AGAP2: variants seen among roughly 807,000 people sequenced by gnomAD.
AGAP2 encodes the protein arf-GAP with GTPase, ANK repeat and PH domain-containing protein 2.
Under a neutral mutation model 110.9 loss-of-function variants are expected in AGAP2, and 32 were observed. That is an observed-to-expected ratio of 0.29 (90% confidence interval 0.22 to 0.39). The LOEUF (loss-of-function observed/expected upper bound fraction) is 0.39, where lower values mean the gene tolerates loss of function less well. AGAP2 is among the 10% of genes least tolerant of loss of function. The pLI is 1.00. For synonymous variants in AGAP2, 702 were observed against 713.0 expected, an observed-to-expected ratio of 0.98 and a Z score of 0.25; for missense variants, 1,285 against 1,638.5, an observed-to-expected ratio of 0.78 and a Z score of 3.72.
intron 14 of AGAP2, 48 bp downstream of exon 14, chr12:57,728,270 C>T (rs748622224): frequency 1.2e-6 from 2 of 1,600,748 alleles, no homozygotes; most frequent in Non-Finnish European, 1.7e-6. Flanking sequence ...GGCACCCCCA[C>T]CCTTCTGCAC....
rs1361743394 is a variant in AGAP2 at position 57,727,975 on chromosome 12, G to C, written c.2728C>G (p.Leu910Val). The part of the protein sequence containing the change: ...AWVQAIESQI[L>V]ASLQCCESSK... ...CTCTCACAGCATTGCAGACTGGCTA[G>C]GATCTGACTCTCGATGGCCTGGACC... Residue 910 changes from leucine to valine, a missense_variant, in exon 15 of 19, where the codon CTA (leucine) becomes GTA (valine). Leu to Val is a conservative substitution (Grantham distance 32). Around this residue, in one of 7 missense-constraint regions of AGAP2, gnomAD observed 25 missense variants for 67.5 expected, o/e 0.37. Transcript: ENST00000547588. 1 of 1,614,176 alleles carries C rather than the reference G, an allele frequency of 6.2e-7. No individual in the cohort carries two copies. Among genetic ancestry groups the C allele is most frequent in the South Asian group, 1.1e-5 (1 of 91,090 alleles).
intron 7 of AGAP2, among the ~76,000 whole-genome samples, 179 bp from the exon 8 acceptor site, chr12:57,732,146 G>C (rs143908708): frequency 6.6e-6 from 1 of 152,304 alleles, no homozygotes; most frequent in Non-Finnish European, 1.5e-5. Context: ...ATGTTGTAAA[G>C]GTTGATTCAC....
At chr12:57,729,919 G>C in intron 12 of AGAP2, 152 bp from the exon 13 acceptor site, 1 of 1,133,798 alleles carries the variant, frequency 8.8e-7, no homozygotes, top group Non-Finnish European at 1.2e-6. Context: ...ATCATTCCTG[G>C]GGATGCAGGG....
Position 57,738,130 on chromosome 12 carries a change from G to A in AGAP2, c.117C>T (p.Ala39=), listed in dbSNP as rs1351380163. ...PPPPSPSAAA[A]GAAGARGSET... is the part of the protein sequence containing the mutation. ...CGGAGCCTCTGGCACCGGCGGCGCC[G>A]GCCGCGGCCGCAGACGGAGAAGGCG... The change falls in exon 1 of 19, where the codon GCC becomes GCT. Residue 39 remains alanine, a synonymous_variant. Coordinates refer to ENST00000547588, the MANE Select transcript of AGAP2 (RefSeq NM_001122772.3). The surrounding 1 kb of genome is among the most constrained non-coding windows in gnomAD (Gnocchi z 6.7). 4 of 1,520,692 alleles carry A rather than the reference G, an allele frequency of 2.6e-6. No individual in the cohort carries two copies. Among genetic ancestry groups the A allele is most frequent in the Non-Finnish European group, 2.6e-6 (3 of 1,139,708 alleles). 94.2% of individuals were successfully genotyped at this position (1,520,692 alleles called of 1,614,324 possible).
chr12:57,737,825 C>G lies in AGAP2; in HGVS notation c.422G>C (p.Arg141Pro), dbSNP rs1955017854. ...PKPGGAPTSSRRPLLSSPSWG... is the reference protein window; with the variant it reads ...PKPGGAPTSSPRPLLSSPSWG... ...GCTCGGGCTGCTGAGCAGGGGGCGC[C>G]GGGAGGAGGTGGGGGCGCCCCCAGG... Residue 141 changes from arginine to proline, a missense_variant, in exon 1 of 19, where the codon CGG becomes CCG. Transcript: ENST00000547588. This position sits in a 1 kb window ranked among gnomAD's most constrained non-coding sequence, Gnocchi z 5.9. The G allele has an allele frequency of 6.7e-7, 1 of 1,492,640 alleles. No homozygotes were observed. The highest frequency in any genetic ancestry group is 1.4e-5 in the African/African-American group (1 of 69,392). The allele number at this position is 1,492,640 out of a possible 1,614,324, so 92.5% of individuals were successfully genotyped here.
Position 57,729,786 on chromosome 12 carries a change from G to A in AGAP2, c.2429-19C>T. 6.3e-7 allele frequency: 1 copy of A among 1,589,132 alleles called. No individual in the cohort carries two copies. Among genetic ancestry groups the A allele is most frequent in the Non-Finnish European group, 8.5e-7 (1 of 1,169,780 alleles). The stretch of plus-strand genomic sequence containing the variant: ...GTACAGTCTTAGGGAGGAAGACACA[G>A]CTGCCTCAGTAGCCCCCTCCACAGA... On this transcript the variant is annotated intron_variant, in intron 12 of 18. Coordinates refer to ENST00000547588, the MANE Select transcript of AGAP2 (RefSeq NM_001122772.3).
At chr12:57,732,087 G>T (rs1218401676) in intron 7 of AGAP2, 120 bp from the exon 8 acceptor site, 7 of 1,184,004 alleles carry the variant, frequency 5.9e-6, no homozygotes, top group Non-Finnish European at 7.0e-6. Context: ...TATTTATGTT[G>T]TCATTAATAA....
In AGAP2 at chr12:57,737,973, C is replaced by T. The variant is rs1437279299; in HGVS notation, c.274G>A (p.Ala92Thr). 30 of 1,436,000 alleles carry T rather than the reference C, an allele frequency of 2.1e-5. No individual in the cohort carries two copies. The highest frequency in any genetic ancestry group is 2.6e-5 in the Non-Finnish European group (29 of 1,102,112). The allele number at this position is 1,436,000 out of a possible 1,614,324, so 89.0% of individuals were successfully genotyped here. A position where few individuals can be genotyped will look rare whatever the true frequency, so the allele number is the denominator to read the frequency against. The change falls in exon 1 of 19, where the codon GCC becomes ACC. Residue 92 changes from alanine to threonine, a missense_variant. Transcript: ENST00000547588. This position sits in a 1 kb window ranked among gnomAD's most constrained non-coding sequence, Gnocchi z 5.9. ...SAGTGGAEPPALSPAPASPAR... is the reference protein window; with the variant it reads ...SAGTGGAEPPTLSPAPASPAR... ...GGACTGGCCGGAGCCGGGGACAGGG[C>T]TGGGGGCTCCGCGCCCCCGGTGCCC... is the stretch of plus-strand genomic sequence containing the variant.
chr12:57,740,395 A>C (rs989424317), upstream of AGAP2, among the ~76,000 whole-genome samples: 11 of 152,120 alleles, frequency 7.2e-5, no homozygotes, highest in Non-Finnish European at 1.0e-4. Flanking sequence ...GAGAGGGTGA[A>C]GGAGAATTGT....
chr12:57,727,457 G>A lies in AGAP2; in HGVS notation c.2983C>T (p.Leu995=), dbSNP rs755575431. 35 of 1,613,590 alleles carry A rather than the reference G, an allele frequency of 2.2e-5. No homozygotes were observed. The Admixed American group carries it at 5.0e-4, about 23-fold the overall frequency. ...CCAATAGCCGTCAGCACCAGGGTCA[G>A]CTCCCGTGGCCAGTCGTCCAAGTCC... The part of the protein sequence containing the change: ...SLDLDDWPRE[L]TLVLTAIGND... The change falls in exon 17 of 19, where the codon CTG becomes TTG. Residue 995 remains leucine, a synonymous_variant. Transcript: ENST00000547588.
chr12:57,737,728 G>A lies in AGAP2; in HGVS notation c.519C>T (p.Thr173=), dbSNP rs1189383631. Residue 173 remains threonine, a synonymous_variant, in exon 1 of 19, where the codon ACC becomes ACT. Coordinates refer to ENST00000547588, the MANE Select transcript of AGAP2 (RefSeq NM_001122772.3). The surrounding 1 kb of genome is among the most constrained non-coding windows in gnomAD (Gnocchi z 5.9). The part of the protein sequence containing the change: ...IPGSSSPHPG[T]GSRRLKVAPP... Reference sequence around the variant, plus strand: ...GCGCCACCTTGAGCCTCCGGCTGCCGGTGCCAGGGTGCGGAGAGGATGAGC... The same window carrying A: ...GCGCCACCTTGAGCCTCCGGCTGCCAGTGCCAGGGTGCGGAGAGGATGAGC... 1 of 1,544,316 alleles carries A rather than the reference G, an allele frequency of 6.5e-7. No individual in the cohort carries two copies. Among genetic ancestry groups the A allele is most frequent in the Non-Finnish European group, 8.7e-7 (1 of 1,149,260 alleles).
Position 57,737,860 on chromosome 12 carries a change from G to C in AGAP2, c.387C>G (p.Pro129=). ...TGGGGGCGCCCCCAGGCTTGGGGTC[G>C]GGGCTCAGTCCCCCGGAGAGCGGGG... The part of the protein sequence containing the change: ...PGPPLSGGLS[P]DPKPGGAPTS... The change falls in exon 1 of 19, where the codon CCC becomes CCG. Residue 129 remains proline, a synonymous_variant. Coordinates refer to ENST00000547588, the MANE Select transcript of AGAP2 (RefSeq NM_001122772.3). This position sits in a 1 kb window ranked among gnomAD's most constrained non-coding sequence, Gnocchi z 5.9. 3 of 1,451,174 alleles carry C rather than the reference G, an allele frequency of 2.1e-6. No individual in the cohort carries two copies. The highest frequency in any genetic ancestry group is 4.9e-4 in the Middle Eastern group (2 of 4,056). 89.9% of individuals were successfully genotyped at this position (1,451,174 alleles called of 1,614,324 possible).
upstream of AGAP2, among the ~76,000 whole-genome samples, chr12:57,740,733 A>C (rs1955067368): frequency 6.6e-6 from 1 of 152,130 alleles, no homozygotes; most frequent in Non-Finnish European, 1.5e-5. Context: ...TGTCAGGGGA[A>C]GCTTCAGGTG....
At chr12:57,741,915 G>A (rs143760313), upstream of AGAP2, 243 of 1,613,168 alleles carry the variant, frequency 1.5e-4, no homozygotes, top group Non-Finnish European at 1.9e-4. Context: ...CTCTTACCTC[G>A]AATGCTGTCC....
intron 12 of AGAP2, among the ~76,000 whole-genome samples, chr12:57,730,038 T>C (rs1197579940): frequency 6.6e-6 from 1 of 152,332 alleles, no homozygotes; most frequent in Middle Eastern, 3.4e-3. Context: ...TTTCTTTATC[T>C]CTGAAATAGG....
intron 1 of AGAP2, among the ~76,000 whole-genome samples, chr12:57,736,630 G>A (rs1954987184): frequency 1.3e-5 from 2 of 152,238 alleles, no homozygotes; most frequent in African/African-American, 4.8e-5. Flanking sequence ...TCCCTGGCGA[G>A]AAGCTGCCTG....
In AGAP2 at chr12:57,737,964, G is replaced by C; in HGVS notation, c.283C>G (p.Pro95Ala). ...TGGAEPPALS[P>A]APASPARPVS... ...GGGCGGGCCGGACTGGCCGGAGCCG[G>C]GGACAGGGCTGGGGGCTCCGCGCCC... The change falls in exon 1 of 19, where the codon CCG becomes GCG. Residue 95 changes from proline (P) to alanine (A), a missense_variant. This residue lies in a region of AGAP2 where 844 missense variants were observed against 941.2 expected (regional missense o/e 0.90). Transcript: ENST00000547588. This position sits in a 1 kb window ranked among gnomAD's most constrained non-coding sequence, Gnocchi z 5.9. 1 of 1,409,150 alleles carries C rather than the reference G, an allele frequency of 7.1e-7. No homozygotes were observed. The highest frequency in any genetic ancestry group is 9.2e-7 in the Non-Finnish European group (1 of 1,091,660). The allele number at this position is 1,409,150 out of a possible 1,614,324, so 87.3% of individuals were successfully genotyped here.
intron 6 of AGAP2, 98 bp downstream of exon 6, chr12:57,732,747 C>T: frequency 6.4e-7 from 1 of 1,557,152 alleles, no homozygotes; most frequent in South Asian, 1.2e-5. Flanking sequence ...GGCTAATTTC[C>T]TGTCACTCAC....
chr12:57,731,749 G>T lies in AGAP2; in HGVS notation c.1953+60C>A. ...CCCAACAGAGGAGTCTAGGGACTAG[G>T]GAAGATGGGCAGGTCATGGGGGACA... On this transcript the variant is annotated intron_variant, in intron 8 of 18. Coordinates refer to ENST00000547588, the MANE Select transcript of AGAP2 (RefSeq NM_001122772.3). The T allele has an allele frequency of 2.5e-6, 4 of 1,571,026 alleles. No individual in the cohort carries two copies. In the East Asian group the frequency reaches 9.1e-5, roughly 36 times the overall value.
Sources: gnomAD v4.1 joint callset for allele counts (sites outside exome capture counted in the v4.1 genomes callset) on GRCh38, gnomAD v4.1.1 for gene constraint, gnomAD v4.1.1 regional missense constraint, Gnocchi (gnomAD v3.1) non-coding constraint, MANE v1.5 for transcripts, NCBI Gene and HGNC (gene_info 2026-07-23, HGNC 2026-07-21) for gene names.